Variants in ATR observed in about 807,000 individuals in gnomAD.
ATR encodes the protein serine/threonine-protein kinase ATR.
A neutral mutation model predicts 305.3 loss-of-function variants in ATR; 142 were observed. The observed-to-expected ratio is 0.47, with a 90% CI of 0.41 to 0.53. The LOEUF is 0.53. ATR is among the 20% of genes least tolerant of loss of function. The pLI is 0.00. For synonymous variants in ATR, 1,050 were observed against 1,068.1 expected (o/e 0.98, Z 0.33); for missense variants, 2,135 against 3,133.1 (o/e 0.68, Z 7.60).
At position 142,519,536 on chromosome 3, in the gene ATR, G is replaced by A. The variant is rs370537352; in HGVS notation, c.4382+133C>T. The stretch of plus-strand genomic sequence containing the variant: ...AGGCTGATCTCGAACTCCTGACCTC[G>A]TGATCCGCCCGCCTCAGCCTCCCAA... On this transcript the variant is annotated intron_variant, in intron 24 of 46. Coordinates refer to ENST00000350721, the MANE Select transcript of ATR (RefSeq NM_001184.4). The A allele has an allele frequency of 5.1e-4, 339 of 664,712 alleles. 2 individuals carry two copies. Among genetic ancestry groups the A allele is most frequent in the African/African-American group, 5.0e-3 (273 of 54,676 alleles). The allele number at this position is 664,712 out of a possible 1,614,324, so 41.2% of individuals were successfully genotyped here.
intron 15 of ATR, 44 bp from the exon 16 acceptor site, chr3:142,547,954 A>T (rs775452306): frequency 1.5e-5 from 23 of 1,526,508 alleles, no homozygotes; most frequent in Admixed American, 3.4e-5. Flanking sequence ...CTTCATACTA[A>T]TATCCTGGAA....
At position 142,555,842 on chromosome 3, in the gene ATR, GGTTTTAAAGTATTAAATAA is replaced by G. The variant is rs749539971; in HGVS notation, c.2341+16_2341+34del. The G allele has an allele frequency of 6.3e-6, 10 of 1,578,114 alleles. No homozygotes were observed. The East Asian group carries it at 2.2e-4, about 35-fold the overall frequency. The stretch of plus-strand genomic sequence containing the variant: ...TGATTTGAAAAGCAGAGCTTAAATA[GGTTTTAAAGTATTAAATAA>G]GTCATAATCACTCACCAAGTTTTAC... On this transcript the variant is annotated intron_variant, in intron 10 of 46. Transcript: ENST00000350721.
intron 21 of ATR, among the ~76,000 whole-genome samples, chr3:142,531,149 A>G (rs1397011674): frequency 1.3e-5 from 2 of 152,020 alleles, no homozygotes; most frequent in Non-Finnish European, 2.9e-5. Flanking sequence ...TCTGCTTGAC[A>G]CTCTTTATGA....
chr3:142,522,688 TA>T (rs2033198194), intron 23 of ATR, 39 bp downstream of exon 23: 1 of 1,484,310 alleles, frequency 6.7e-7, no homozygotes, highest in Non-Finnish European at 9.4e-7. Flanking sequence ...TTATTTGAAT[TA>T]AACAATTTAA....
chr3:142,548,669 CA>C (rs1185146027), intron 15 of ATR, among the ~76,000 whole-genome samples: 6,736 of 75,952 alleles, frequency 0.089, 257 homozygotes, highest in African/African-American at 0.19. Context: ...ACTCCCATCA[CA>C]AAAAAAAAAA....
intron 3 of ATR, among the ~76,000 whole-genome samples, chr3:142,563,368 T>C (rs1338434116): frequency 6.6e-6 from 1 of 152,238 alleles, no homozygotes; most frequent in Non-Finnish European, 1.5e-5. Flanking sequence ...ATTTTTCCAA[T>C]AGCATGTGGT....
chr3:142,519,921 T>C (rs2033072796), intron 23 of ATR, 137 bp from the exon 24 acceptor site: 2 of 716,866 alleles, frequency 2.8e-6, no homozygotes, highest in African/African-American at 3.6e-5. Context: ...TTATGCTTCA[T>C]GGATGCTGTT....
At chr3:142,560,026 A>AT (rs1324395439) in intron 6 of ATR, among the ~76,000 whole-genome samples, 14 of 152,320 alleles carry the variant, frequency 9.2e-5, no homozygotes, top group African/African-American at 2.9e-4. Flanking sequence ...TCAGTTTCTA[A>AT]TTTTTAAAAT....
At chr3:142,564,924 T>C (rs1129391) in intron 3 of ATR, among the ~76,000 whole-genome samples, 63,704 of 151,680 alleles carry the variant, frequency 0.42, 13,389 homozygotes, top group African/African-American at 0.48. Flanking sequence ...GCTAATGTTT[T>C]TCTGTTTTGT....
In ATR at chr3:142,495,994, C is replaced by T. The variant is rs77374827; in HGVS notation, c.5898+367G>A. ...AAGTGACAGAGTTACATTCATTTAACCAACATTTACTGGGTCACTACTATA... is the reference window on the plus strand; with the variant it reads ...AAGTGACAGAGTTACATTCATTTAATCAACATTTACTGGGTCACTACTATA... On this transcript the variant is annotated intron_variant, in intron 34 of 46. Transcript: ENST00000350721. Among the ~76,000 whole-genome samples, 9 of 151,780 alleles carry T rather than the reference C, an allele frequency of 5.9e-5. No individual in the cohort carries two copies. The East Asian group carries it at 1.2e-3, about 20-fold the overall frequency.
In ATR at chr3:142,562,667, T is replaced by C. The variant is rs2034925189; in HGVS notation, c.735A>G (p.Lys245=). Residue 245 remains lysine, a synonymous_variant, in exon 4 of 47, where the codon AAA becomes AAG. Coordinates refer to ENST00000350721, the MANE Select transcript of ATR (RefSeq NM_001184.4). ...VLLEYGSPKI[K]SLAISFLTEL... ...CTGTTAAAAAGCTAATTGCTAGGGA[T>C]TTAATTTTTGGACTACCATACTCTA... 1.2e-6 allele frequency: 2 copies of C among 1,614,114 alleles called. No individual in the cohort carries two copies. The highest frequency in any genetic ancestry group is 1.7e-6 in the Non-Finnish European group (2 of 1,180,000).
rs111896467 is a variant in ATR, at chr3:142,496,171, G to C, written c.5898+190C>G. Among the ~76,000 whole-genome samples, 4,434 of 150,628 alleles carry C rather than the reference G, an allele frequency of 0.029. 108 individuals carry two copies. Among genetic ancestry groups the C allele is most frequent in the Non-Finnish European group, 0.043 (2,880 of 67,702 alleles). The stretch of plus-strand genomic sequence containing the variant: ...AGAGTAAAAAGAACAATTACTTCCA[G>C]GCTATGGTAGATAACTAATGAAGAA... On this transcript the variant is annotated intron_variant, in intron 34 of 46. Transcript: ENST00000350721.
intron 36 of ATR, among the ~76,000 whole-genome samples, chr3:142,484,495 C>T (rs899760556): frequency 6.6e-6 from 1 of 152,124 alleles, no homozygotes; most frequent in Non-Finnish European, 1.5e-5. Flanking sequence ...TGTGCCGGAC[C>T]CCTCCAGACC....
intron 34 of ATR, among the ~76,000 whole-genome samples, chr3:142,494,182 C>G (rs1193014440): frequency 6.6e-6 from 1 of 151,986 alleles, no homozygotes; most frequent in Non-Finnish European, 1.5e-5. Flanking sequence ...GAGAAGTATA[C>G]AAGAGGATGT....
At chr3:142,522,503 C>G (rs2033189179) in intron 23 of ATR, among the ~76,000 whole-genome samples, 1 of 151,982 alleles carries the variant, frequency 6.6e-6, no homozygotes, top group African/African-American at 2.4e-5. Context: ...AAAGCTGAGG[C>G]AGTAGTATAT....
intron 35 of ATR, among the ~76,000 whole-genome samples, chr3:142,491,025 CA>C (rs2031246228): frequency 2.6e-5 from 4 of 151,930 alleles, no homozygotes; most frequent in South Asian, 4.1e-4. Flanking sequence ...ATAAAGTTCA[CA>C]CTTTTAAAGT....
intron 26 of ATR, among the ~76,000 whole-genome samples, chr3:142,513,091 G>A (rs567535901): frequency 1.3e-4 from 19 of 151,976 alleles, no homozygotes; most frequent in African/African-American, 4.6e-4. Context: ...AGTAATTGAA[G>A]ACTAAATATA....
intron 8 of ATR, 43 bp downstream of exon 8, chr3:142,558,579 TAG>T: frequency 6.7e-7 from 1 of 1,498,494 alleles, no homozygotes; most frequent in Non-Finnish European, 9.2e-7. Flanking sequence ...GATAGATAGA[TAG>T]ATAAATAAAA....
At chr3:142,511,192 G>A (rs1334654422) in intron 27 of ATR, among the ~76,000 whole-genome samples, 1 of 151,128 alleles carries the variant, frequency 6.6e-6, no homozygotes, top group Admixed American at 6.6e-5. Context: ...AAAGAACAGA[G>A]TACACACATA....
Sources: allele counts gnomAD v4.1 joint callset (sites outside exome capture counted in the v4.1 genomes callset), GRCh38; gene constraint gnomAD v4.1.1; transcripts MANE v1.5; gene names NCBI Gene and HGNC (gene_info 2026-07-23, HGNC 2026-07-21).